ZNF107: variants seen among roughly 807,000 people sequenced by gnomAD.
ZNF107 encodes zinc finger protein 107.
A neutral mutation model predicts 12.3 loss-of-function variants in ZNF107; 19 were observed. The ratio of observed to expected loss-of-function variants is 1.55; its 90% CI spans 1.08 to 2.27. The LOEUF (loss-of-function observed/expected upper bound fraction) is 2.27. ZNF107 is among the 30% of genes most tolerant of loss of function. The pLI is 0.00. For missense variants in ZNF107, 958 were observed against 979.9 expected (o/e 0.98, Z 0.30); for synonymous variants, 317 against 330.5 (o/e 0.96, Z 0.44).
intron 3 of ZNF107, among the ~76,000 whole-genome samples, chr7:64,705,159 C>T (rs1477227924): frequency 6.6e-6 from 1 of 152,154 alleles, no homozygotes; most frequent in Non-Finnish European, 1.5e-5. Context: ...AATGACATAT[C>T]ACTTTCATCT....
chr7:64,686,655 C>A (rs1475594666), intron 1 of ZNF107: 6 of 984,538 alleles, frequency 6.1e-6, no homozygotes, highest in African/African-American at 3.5e-5. Context: ...TGCCTCCAGA[C>A]TTCCTGGAAC....
chr7:64,703,222 CAG>C (rs1790533260), intron 3 of ZNF107, among the ~76,000 whole-genome samples: 1 of 152,148 alleles, frequency 6.6e-6, no homozygotes, highest in Non-Finnish European at 1.5e-5. Context: ...CAATTTAAGA[CAG>C]TGTGGAGCAA....
chr7:64,695,758 C>T (rs1176872640), intron 3 of ZNF107, among the ~76,000 whole-genome samples: 1 of 152,120 alleles, frequency 6.6e-6, no homozygotes, highest in Non-Finnish European at 1.5e-5. Flanking sequence ...TGGAAATCAT[C>T]TTTTCACTGT....
chr7:64,684,944 T>G (rs1424345604), intron 1 of ZNF107, among the ~76,000 whole-genome samples: 1 of 152,148 alleles, frequency 6.6e-6, no homozygotes, highest in Non-Finnish European at 1.5e-5. Flanking sequence ...TGGCTTTGCA[T>G]TTCTCTATCA....
intron 2 of ZNF107, 90 bp downstream of exon 2, chr7:64,691,464 T>A: frequency 3.6e-6 from 4 of 1,125,972 alleles, no homozygotes; most frequent in Non-Finnish European, 4.6e-6. Flanking sequence ...ATTTATGCTT[T>A]GCATAAATGA....
chr7:64,668,307 TC>T (rs1312098950), intron 1 of ZNF107, among the ~76,000 whole-genome samples: 10 of 51,610 alleles, frequency 1.9e-4, no homozygotes, highest in African/African-American at 8.2e-4. Context: ...CCCTCCCCCC[TC>T]CCCCCACCCC....
rs1040419971 is a variant in ZNF107, at chr7:64,710,140, C to CA, written c.*1491dup. 2.5e-5 allele frequency: 4 copies of CA among 162,224 alleles called. No homozygotes were observed. In the East Asian group the frequency reaches 5.7e-4, roughly 23 times the overall value. The allele number at this position is 162,224 out of a possible 1,614,324, so 10.0% of individuals were successfully genotyped here. A position where few individuals can be genotyped will look rare whatever the true frequency, so the allele number is the denominator to read the frequency against. On this transcript the variant is annotated 3_prime_UTR_variant, in exon 4 of 4. Transcript: ENST00000620827. The stretch of plus-strand genomic sequence containing the variant: ...CAAAAACTTCGTCTCAAAAACAAAA[C>CA]AAAAAAAGAGTATTCATTGTGAGGA...
chr7:64,690,745 T>G (rs1032214097), intron 1 of ZNF107, among the ~76,000 whole-genome samples: 2 of 152,110 alleles, frequency 1.3e-5, no homozygotes, highest in Admixed American at 1.3e-4. Flanking sequence ...ATACATTTTT[T>G]TATTCTTTTT....
chr7:64,681,326 C>T (rs551417815), intron 1 of ZNF107, among the ~76,000 whole-genome samples: 9 of 152,176 alleles, frequency 5.9e-5, no homozygotes, highest in Admixed American at 1.3e-4. Flanking sequence ...TGGGAATTGA[C>T]GGCAAAGCCT....
chr7:64,671,822 C>T (rs1197184911), intron 1 of ZNF107, among the ~76,000 whole-genome samples: 1 of 136,584 alleles, frequency 7.3e-6, no homozygotes, highest in Non-Finnish European at 1.5e-5. Context: ...CGCTCTGTTG[C>T]CCAGGCTGGA....
Position 64,708,677 on chromosome 7 carries a change from C to T in ZNF107, c.*21C>T. 1.3e-6 allele frequency: 2 copies of T among 1,574,562 alleles called. No individual in the cohort carries two copies. The highest frequency in any genetic ancestry group is 1.2e-5 in the South Asian group (1 of 86,096). On this transcript the variant is annotated 3_prime_UTR_variant, in exon 4 of 4. Transcript: ENST00000620827. ...CTTAATTGATCCTACAAGCTTACTACACATAGGAAAATTCATACTGGAGAG... is the reference window on the plus strand; with the variant it reads ...CTTAATTGATCCTACAAGCTTACTATACATAGGAAAATTCATACTGGAGAG...
At chr7:64,700,048 G>A (rs1231425296) in intron 3 of ZNF107, among the ~76,000 whole-genome samples, 13 of 93,872 alleles carry the variant, frequency 1.4e-4, no homozygotes, top group African/African-American at 5.7e-4. Context: ...GCGACAGAGT[G>A]AGACTCCATC....
chr7:64,680,560 A>G (rs150619905), intron 1 of ZNF107, among the ~76,000 whole-genome samples: 97 of 152,326 alleles, frequency 6.4e-4, no homozygotes, highest in African/African-American at 2.2e-3. Flanking sequence ...AAAGCTGCGT[A>G]TAAGGCTGTC....
intron 3 of ZNF107, among the ~76,000 whole-genome samples, chr7:64,697,579 A>G (rs1279820912): frequency 6.6e-6 from 1 of 152,246 alleles, no homozygotes; most frequent in African/African-American, 2.4e-5. Context: ...CAATAAACAT[A>G]GATGTTCAAA....
intron 1 of ZNF107, among the ~76,000 whole-genome samples, chr7:64,684,911 A>C (rs2128960787): frequency 6.6e-6 from 1 of 152,280 alleles, no homozygotes; most frequent in South Asian, 2.1e-4. Context: ...AAACCAGTCC[A>C]ACCCTTCTTT....
At position 64,706,645 on chromosome 7, in the gene ZNF107, G is replaced by A; in HGVS notation, c.548G>A (p.Cys183Tyr). The change falls in exon 4 of 4, where the codon TGC becomes TAC. Residue 183 changes from cysteine (C) to tyrosine (Y), a missense_variant. Physicochemically the swap from Cys to Tyr is radical, Grantham distance 194 (BLOSUM62 -2). Coordinates refer to ENST00000620827, the MANE Select transcript of ZNF107 (RefSeq NM_001282359.2). The part of the protein sequence containing the change: ...FKCKECSKSF[C>Y]VLSQLTQHRR... ...TGTAAAGAATGTAGCAAATCATTTT[G>A]CGTGCTTTCACAACTAACTCAGCAT... The A allele has an allele frequency of 6.2e-7, 1 of 1,613,392 alleles. No individual in the cohort carries two copies. Among genetic ancestry groups the A allele is most frequent in the Non-Finnish European group, 8.5e-7 (1 of 1,179,588 alleles).
At chr7:64,681,945 C>G (rs1789695720) in intron 1 of ZNF107, among the ~76,000 whole-genome samples, 1 of 152,102 alleles carries the variant, frequency 6.6e-6, no homozygotes, top group South Asian at 2.1e-4. Context: ...TCCCTCCTCT[C>G]AACCTCTTTT....
Position 64,706,979 on chromosome 7 carries a change from T to C in ZNF107, c.882T>C (p.Phe294=), listed in dbSNP as rs1368159459. Residue 294 remains phenylalanine, a synonymous_variant, in exon 4 of 4, where the codon TTT becomes TTC. Transcript: ENST00000620827. ...PYKYEECGKV[F]SQSSHLTTQK... ...AATATGAAGAATGTGGCAAAGTCTT[T>C]AGCCAGTCCTCACACCTTACTACAC... 7 of 1,613,688 alleles carry C rather than the reference T, an allele frequency of 4.3e-6. No individual in the cohort carries two copies. The highest frequency in any genetic ancestry group is 5.9e-6 in the Non-Finnish European group (7 of 1,179,822).
intron 3 of ZNF107, among the ~76,000 whole-genome samples, chr7:64,703,741 CTTGA>C (rs1214982185): frequency 1.3e-5 from 2 of 151,996 alleles, no homozygotes; most frequent in Admixed American, 1.3e-4. Flanking sequence ...AAGTTTGTCT[CTTGA>C]TTTTATAGAT....
Sources: gnomAD v4.1 joint callset for allele counts (sites outside exome capture counted in the v4.1 genomes callset) on GRCh38, gnomAD v4.1.1 for gene constraint, MANE v1.5 for transcripts, NCBI Gene and HGNC (gene_info 2026-07-23, HGNC 2026-07-21) for gene names.